Variants in NCKAP1L observed in about 807,000 individuals in gnomAD.
The protein encoded by NCKAP1L is nck-associated protein 1-like.
Under a neutral mutation model 139.2 loss-of-function variants are expected in NCKAP1L, and 53 were observed. The observed-to-expected ratio is 0.38, with a 90% confidence interval of 0.31 to 0.48. The LOEUF is 0.48. NCKAP1L is among the 20% of genes least tolerant of loss of function. The pLI is 0.98. For missense variants in NCKAP1L, 1,151 were observed against 1,381.9 expected (o/e 0.83, Z 2.65); for synonymous variants, 468 against 499.7 (o/e 0.94, Z 0.85).
intron 20 of NCKAP1L, among the ~76,000 whole-genome samples, chr12:54,525,880 G>A (rs1383786366): frequency 6.6e-6 from 1 of 152,146 alleles, no homozygotes; most frequent in African/African-American, 2.4e-5. Flanking sequence ...ATACTTGGGG[G>A]AGGTATTTTG....
Position 54,516,377 on chromosome 12 carries a change from A to T in NCKAP1L, c.998+82A>T, listed in dbSNP as rs74457308. 2.7e-3 allele frequency: 3,521 copies of T among 1,313,208 alleles called. 58 individuals are homozygous for T. In the African/African-American group the frequency reaches 0.045, roughly 17 times the overall value. The allele number at this position is 1,313,208 out of a possible 1,614,324, so 81.3% of individuals were successfully genotyped here. A position where few individuals can be genotyped will look rare whatever the true frequency, so the allele number is the denominator to read the frequency against. On this transcript the variant is annotated intron_variant, in intron 10 of 30. Coordinates refer to ENST00000293373, the MANE Select transcript of NCKAP1L (RefSeq NM_005337.5). ...TTTTGTTCTCACCTAAGCCATCCTT[A>T]GTTTCTGTACAGCTTTATTGCCTCA... is the stretch of plus-strand genomic sequence containing the variant.
intron 3 of NCKAP1L, among the ~76,000 whole-genome samples, chr12:54,506,549 C>T (rs1174448770): frequency 2.0e-5 from 3 of 150,966 alleles, no homozygotes; most frequent in Admixed American, 2.0e-4. Flanking sequence ...GCCTCAGCCT[C>T]TTGAGTGGCT....
At chr12:54,506,796 A>AAAAAAAAAAAAAATAT in intron 3 of NCKAP1L, among the ~76,000 whole-genome samples, 1 of 50,604 alleles carries the variant, frequency 2.0e-5, no homozygotes, top group Non-Finnish European at 3.0e-5. Flanking sequence ...AAAAAAAAAA[A>AAAAAAAAAAAAAATAT]ATATATATAT....
intron 3 of NCKAP1L, among the ~76,000 whole-genome samples, chr12:54,504,711 A>C (rs548239291): frequency 2.0e-4 from 31 of 152,354 alleles, no homozygotes; most frequent in African/African-American, 6.7e-4. Context: ...ATGACTTTAG[A>C]TAAGAAACTC....
At chr12:54,505,341 C>G (rs191282263) in intron 3 of NCKAP1L, among the ~76,000 whole-genome samples, 42 of 152,236 alleles carry the variant, frequency 2.8e-4, no homozygotes, top group African/African-American at 1.0e-3. Flanking sequence ...AAGTAAGAAG[C>G]ACTTTTCCTA....
intron 16 of NCKAP1L, 63 bp downstream of exon 16, chr12:54,519,395 C>T: frequency 8.1e-7 from 1 of 1,238,010 alleles, no homozygotes; most frequent in Non-Finnish European, 1.1e-6. Context: ...ATTTTTTTCT[C>T]CATTATGCCA....
intron 30 of NCKAP1L, among the ~76,000 whole-genome samples, chr12:54,541,382 A>G (rs1947839184): frequency 6.6e-6 from 1 of 152,200 alleles, no homozygotes; most frequent in South Asian, 2.1e-4. Flanking sequence ...TTTATGGAGA[A>G]TAGAAAGTCT....
At position 54,531,560 on chromosome 12, in the gene NCKAP1L, G is replaced by C. The variant is rs573490699; in HGVS notation, c.2674G>C (p.Ala892Pro). The C allele has an allele frequency of 4.7e-5, 76 of 1,614,070 alleles. 1 individual carries two copies. Among genetic ancestry groups the C allele is most frequent in the South Asian group, 2.6e-4 (24 of 91,090 alleles). Residue 892 changes from alanine (A) to proline (P), a missense_variant, in exon 24 of 31, where the codon GCT (alanine) becomes CCT (proline). Transcript: ENST00000293373. ...CAACTTTAGCAAGCCGGACTTGATG[G>C]CTTCCCTGCTGCCCCAGCTGACAGG... is the stretch of plus-strand genomic sequence containing the variant. ...RSNFSKPDLM[A>P]SLLPQLTGAE...
intron 22 of NCKAP1L, among the ~76,000 whole-genome samples, chr12:54,528,613 C>A (rs768604648): frequency 8.1e-5 from 12 of 147,878 alleles, no homozygotes; most frequent in Non-Finnish European, 1.3e-4. Context: ...GTCATGGCAT[C>A]TTCTTCTTCT....
In NCKAP1L at chr12:54,547,940, T is replaced by C. The variant is rs530923929; in HGVS notation, c.*5255T>C. 2.0e-5 allele frequency: 3 copies of C among 152,294 alleles called. No individual in the cohort carries two copies. Among genetic ancestry groups the C allele is most frequent in the East Asian group, 3.9e-4 (2 of 5,180 alleles). 9.4% of individuals were successfully genotyped at this position (152,294 alleles called of 1,614,324 possible). On this transcript the variant is annotated 3_prime_UTR_variant, in exon 31 of 31. Transcript: ENST00000293373. The stretch of plus-strand genomic sequence containing the variant: ...GTGGGAAGTCCCTTATTATTTCCAC[T>C]TTTTTCTCCATCTCTGACTCTGCCA...
chr12:54,526,339 C>T (rs752480866), intron 20 of NCKAP1L, among the ~76,000 whole-genome samples, 189 bp from the exon 21 acceptor site: 4 of 152,166 alleles, frequency 2.6e-5, no homozygotes, highest in Non-Finnish European at 4.4e-5. Context: ...CTCTGTGTCT[C>T]AGTTTCCTCA....
chr12:54,544,130 G>A lies in NCKAP1L; in HGVS notation c.*1445G>A, dbSNP rs1303737019. 1 of 152,204 alleles carries A rather than the reference G, an allele frequency of 6.6e-6. No individual in the cohort carries two copies. Among genetic ancestry groups the A allele is most frequent in the Non-Finnish European group, 1.5e-5 (1 of 68,028 alleles). 9.4% of individuals were successfully genotyped at this position (152,204 alleles called of 1,614,324 possible). On this transcript the variant is annotated 3_prime_UTR_variant, in exon 31 of 31. Coordinates refer to ENST00000293373, the MANE Select transcript of NCKAP1L (RefSeq NM_005337.5). The stretch of plus-strand genomic sequence containing the variant: ...CAACAGTTGTCTGCTCTTTAGGGTG[G>A]AAGCGATAGAGAATCCTGCTTCGTG...
chr12:54,506,854 A>AT (rs1956845392), intron 3 of NCKAP1L, among the ~76,000 whole-genome samples: 1 of 132,690 alleles, frequency 7.5e-6, no homozygotes, highest in African/African-American at 2.8e-5. Context: ...ACTTTTTTAG[A>AT]AATGAAAGTA....
chr12:54,523,886 T>C lies in NCKAP1L; in HGVS notation c.2086T>C (p.Phe696Leu). The change falls in exon 20 of 31, where the codon TTC becomes CTC. Residue 696 changes from phenylalanine to leucine, a missense_variant. Transcript: ENST00000293373. ...ACTGACAATGAATCATGTATACAGTTTCTCCGTGTTTGAACATACTATCTT... is the reference window on the plus strand; with the variant it reads ...ACTGACAATGAATCATGTATACAGTCTCTCCGTGTTTGAACATACTATCTT... ...LALTMNHVYS[F>L]SVFEHTIFPS... 6.2e-7 allele frequency: 1 copy of C among 1,614,174 alleles called. No individual in the cohort carries two copies. Among genetic ancestry groups the C allele is most frequent in the South Asian group, 1.1e-5 (1 of 91,084 alleles).
chr12:54,508,489 T>C lies in NCKAP1L; in HGVS notation c.464T>C (p.Ile155Thr), dbSNP rs747955355. 5.6e-6 allele frequency: 9 copies of C among 1,614,094 alleles called. No individual in the cohort carries two copies. The East Asian group carries it at 1.3e-4, about 24-fold the overall frequency. Residue 155 changes from isoleucine (I) to threonine (T), a missense_variant, in exon 5 of 31, where the codon ATT becomes ACT. By Grantham distance (89) the Ile-to-Thr change is moderately conservative. Transcript: ENST00000293373. ...CGGATTGAAGATCGGCGGATACTCA[T>C]TGGCATGTACAATTGTGCCCATGAG... is the stretch of plus-strand genomic sequence containing the variant. Reference protein sequence around the residue: ...LSRIEDRRILIGMYNCAHEML... With the variant: ...LSRIEDRRILTGMYNCAHEML...
rs1303312757 is a variant in NCKAP1L, at chr12:54,536,988, G to A, written c.3118G>A (p.Val1040Met). 3 of 1,613,648 alleles carry A rather than the reference G, an allele frequency of 1.9e-6. No individual in the cohort carries two copies. The highest frequency in any genetic ancestry group is 1.7e-5 in the Admixed American group (1 of 59,996). ...IHCLTKAIIQ[V>M]SAALFTLYNK... ...TTGCTTGACCAAAGCCATCATCCAGGTGTCTGCTGCCCTCTTCACGCTCTA... is the reference window on the plus strand; with the variant it reads ...TTGCTTGACCAAAGCCATCATCCAGATGTCTGCTGCCCTCTTCACGCTCTA... The change falls in exon 29 of 31, where the codon GTG becomes ATG. Residue 1040 changes from valine to methionine, a missense_variant. Val to Met is a conservative substitution (Grantham distance 21). Transcript: ENST00000293373.
chr12:54,516,422 C>G, intron 10 of NCKAP1L, 127 bp downstream of exon 10: 2 of 809,956 alleles, frequency 2.5e-6, no homozygotes, highest in Non-Finnish European at 4.0e-6. Flanking sequence ...CTTGCTGCTA[C>G]CCCATAAATT....
chr12:54,519,040 T>G (rs1956957982), intron 15 of NCKAP1L, 68 bp downstream of exon 15: 5 of 1,561,928 alleles, frequency 3.2e-6, no homozygotes, highest in Non-Finnish European at 4.4e-6. Context: ...CCTTCTCTTT[T>G]TATCTCCTAA....
At position 54,537,064 on chromosome 12, in the gene NCKAP1L, C is replaced by G; in HGVS notation, c.3183+11C>G. On this transcript the variant is annotated intron_variant, in intron 29 of 30. Transcript: ENST00000293373. ...AAGGAATTTCTGGTGGTGAGTGGGT[C>G]TAGGTTATAAAGAATGGAAGATTGC... 1 of 1,557,650 alleles carries G rather than the reference C, an allele frequency of 6.4e-7. No individual in the cohort carries two copies. The highest frequency in any genetic ancestry group is 1.1e-5 in the South Asian group (1 of 89,916).
Sources: gnomAD v4.1 joint callset for allele counts (sites outside exome capture counted in the v4.1 genomes callset) on GRCh38, gnomAD v4.1.1 for gene constraint, MANE v1.5 for transcripts, NCBI Gene and HGNC (gene_info 2026-07-23, HGNC 2026-07-21) for gene names.